The following DAGLB variants were observed in gnomAD, a reference collection of about 807,000 sequenced individuals.
The protein encoded by DAGLB is diacylglycerol lipase beta.
Under a neutral mutation model 72.1 loss-of-function variants are expected in DAGLB, and 66 were observed. That is an observed-to-expected ratio of 0.92 (90% CI 0.75 to 1.12). DAGLB has a LOEUF of 1.12. Among genes scored for constraint, DAGLB ranks in the 50% most tolerant of loss-of-function variants. DAGLB has a pLI of 0.00. For synonymous variants in DAGLB, 414 were observed against 359.5 expected, an observed-to-expected ratio of 1.15 and a Z score of -1.71; for missense variants, 1,065 against 884.9, an observed-to-expected ratio of 1.20 and a Z score of -2.58.
chr7:6,412,445 C>A (rs532166607), intron 13 of DAGLB, among the ~76,000 whole-genome samples: 2 of 152,138 alleles, frequency 1.3e-5, no homozygotes, highest in East Asian at 3.9e-4. Context: ...CAAACAGTTC[C>A]TCCAGAGTAT....
intron 13 of DAGLB, among the ~76,000 whole-genome samples, chr7:6,411,461 A>G (rs1783726937): frequency 6.6e-6 from 1 of 152,202 alleles, no homozygotes; most frequent in Non-Finnish European, 1.5e-5. Context: ...GTCTCTACAA[A>G]AAATACAAAA....
rs552807251 is a variant in DAGLB, at chr7:6,416,607, G to A, written c.1427+20C>T. 6.3e-7 allele frequency: 1 copy of A among 1,578,264 alleles called. No individual in the cohort carries two copies. The highest frequency in any genetic ancestry group is 1.4e-5 in the African/African-American group (1 of 73,198). ...GACTTGTAAGTAGCAAGCTGTTAGAGCAGGAAAACAAAGGCTCACCTCCAC... is the reference window on the plus strand; with the variant it reads ...GACTTGTAAGTAGCAAGCTGTTAGAACAGGAAAACAAAGGCTCACCTCCAC... On this transcript the variant is annotated intron_variant, in intron 11 of 14. Coordinates refer to ENST00000297056, the MANE Select transcript of DAGLB (RefSeq NM_139179.4).
chr7:6,437,647 A>T (rs1353707107), intron 2 of DAGLB, among the ~76,000 whole-genome samples: 1 of 151,700 alleles, frequency 6.6e-6, no homozygotes, highest in African/African-American at 2.4e-5. Context: ...TTTTTTGGTT[A>T]ATTTTTGTTT....
chr7:6,443,203 A>C (rs1784886916), intron 2 of DAGLB, among the ~76,000 whole-genome samples: 1 of 149,518 alleles, frequency 6.7e-6, no homozygotes, highest in Non-Finnish European at 1.5e-5. Context: ...AAAAAAACAA[A>C]AAACAAAAAA....
chr7:6,418,019 C>T (rs145733593), intron 9 of DAGLB, among the ~76,000 whole-genome samples: 5,156 of 151,868 alleles, frequency 0.034, 185 homozygotes, highest in African/African-American at 0.09. Context: ...TACAGGCATG[C>T]GCCATCACAC....
intron 9 of DAGLB, among the ~76,000 whole-genome samples, chr7:6,420,088 A>G (rs1784061568): frequency 6.6e-6 from 1 of 152,154 alleles, no homozygotes; most frequent in African/African-American, 2.4e-5. Context: ...TGGAGGCTGC[A>G]GTGAGCTATG....
At chr7:6,421,613 G>A (rs1013290482) in intron 9 of DAGLB, 114 bp downstream of exon 9, 8 of 788,384 alleles carry the variant, frequency 1.0e-5, no homozygotes, top group Admixed American at 3.2e-5. Flanking sequence ...CGCGGGAGGC[G>A]CAGGCAGCGC....
chr7:6,416,876 CGTT>C lies in DAGLB; in HGVS notation c.1261_1263del (p.Asn421del). The C allele has an allele frequency of 6.2e-7, 1 of 1,614,200 alleles. No individual in the cohort carries two copies. On this transcript the variant is annotated inframe_deletion, in exon 10 of 15. Transcript: ENST00000297056. The stretch of plus-strand genomic sequence containing the variant: ...CTGAAGGCTTGGCTCAAAATCCCGT[CGTT>C]GATGAGTCGTTGGTAAACGTATCTG...
intron 9 of DAGLB, chr7:6,417,579 T>C (rs879184526): frequency 1.3e-5 from 2 of 152,092 alleles, no homozygotes; most frequent in African/African-American, 4.8e-5. Flanking sequence ...TACATAACAT[T>C]TAAACATAAA....
At chr7:6,427,001 G>A (rs1358462343) in intron 6 of DAGLB, among the ~76,000 whole-genome samples, 2 of 152,086 alleles carry the variant, frequency 1.3e-5, no homozygotes, top group South Asian at 2.1e-4. Flanking sequence ...CCAGCTACTC[G>A]GGACGCTGAG....
intron 11 of DAGLB, among the ~76,000 whole-genome samples, chr7:6,415,779 A>C (rs1420479596): frequency 6.6e-6 from 1 of 150,898 alleles, no homozygotes; most frequent in Non-Finnish European, 1.5e-5. Flanking sequence ...TGGGAGACGG[A>C]GGTTGCAGTG....
intron 2 of DAGLB, among the ~76,000 whole-genome samples, chr7:6,440,850 C>CA (rs1784806970): frequency 6.6e-6 from 1 of 152,106 alleles, no homozygotes; most frequent in Admixed American, 6.5e-5. Flanking sequence ...GCCTGGGCAA[C>CA]AGAGCAAAAT....
rs1040156239 is a variant in DAGLB, at chr7:6,447,880, G to C, written c.-38C>G. 1.9e-6 allele frequency: 3 copies of C among 1,568,288 alleles called. No individual in the cohort carries two copies. In the Admixed American group the frequency reaches 6.0e-5, roughly 32 times the overall value. On this transcript the variant is annotated 5_prime_UTR_variant, in exon 1 of 15. Coordinates refer to ENST00000297056, the MANE Select transcript of DAGLB (RefSeq NM_139179.4). Reference sequence around the variant, plus strand: ...GTAGCTCGCACTCAGGAGAGACCCCGCGCGCCGTTCACCGAGAACAAACCA... The same window carrying C: ...GTAGCTCGCACTCAGGAGAGACCCCCCGCGCCGTTCACCGAGAACAAACCA...
chr7:6,442,982 G>GCTAA (rs1784877991), intron 2 of DAGLB, among the ~76,000 whole-genome samples: 1 of 148,894 alleles, frequency 6.7e-6, no homozygotes, highest in Non-Finnish European at 1.5e-5. Flanking sequence ...GACCATCCTG[G>GCTAA]CTAACACAGT....
intron 2 of DAGLB, among the ~76,000 whole-genome samples, 189 bp from the exon 3 acceptor site, chr7:6,436,722 G>A (rs1440603630): frequency 6.6e-6 from 1 of 152,158 alleles, no homozygotes. Context: ...GATGGGAAAC[G>A]TGACAAGAAG....
At chr7:6,444,052 AG>A (rs1282419782) in intron 2 of DAGLB, among the ~76,000 whole-genome samples, 2 of 152,174 alleles carry the variant, frequency 1.3e-5, no homozygotes, top group Non-Finnish European at 2.9e-5. Context: ...GGATCACCTG[AG>A]CCCAGGAGTT....
At chr7:6,413,155 T>C in intron 11 of DAGLB, 121 bp from the exon 12 acceptor site, 1 of 1,046,844 alleles carries the variant, frequency 9.6e-7, no homozygotes, top group Non-Finnish European at 1.4e-6. Flanking sequence ...TGTTCTCTCT[T>C]CTCTAAAGGG....
intron 2 of DAGLB, among the ~76,000 whole-genome samples, chr7:6,437,531 A>T (rs939049899): frequency 2.0e-5 from 3 of 152,176 alleles, no homozygotes; most frequent in Non-Finnish European, 4.4e-5. Flanking sequence ...TCTCAGGCTC[A>T]AGTGATCCAC....
intron 8 of DAGLB, chr7:6,422,863 C>G (rs1430610498): frequency 1.3e-5 from 2 of 152,388 alleles, no homozygotes; most frequent in Non-Finnish European, 2.9e-5. Flanking sequence ...CATGTACCCT[C>G]TGAATCTAAA....
Sources: gnomAD v4.1 joint callset for allele counts (sites outside exome capture counted in the v4.1 genomes callset) on GRCh38, gnomAD v4.1.1 for gene constraint, MANE v1.5 for transcripts, NCBI Gene and HGNC (gene_info 2026-07-23, HGNC 2026-07-21) for gene names.